Variants in CEP83 observed in about 807,000 individuals in gnomAD.
The protein encoded by CEP83 is centrosomal protein 83.
Under a neutral mutation model 101.9 loss-of-function variants are expected in CEP83, and 70 were observed. The observed-to-expected ratio is 0.69, with a 90% CI of 0.57 to 0.84. The LOEUF (loss-of-function observed/expected upper bound fraction) is 0.84, where lower values mean the gene tolerates loss of function less well. Ranked by LOEUF, CEP83 falls within the 40% of genes least tolerant of loss-of-function variation. The pLI is 0.00. For synonymous variants in CEP83, 264 were observed against 267.9 expected (o/e 0.99, Z 0.14); for missense variants, 715 against 787.2 (o/e 0.91, Z 1.10).
chr12:94,266,223 T>C, the CEP83 span, among the ~76,000 whole-genome samples: 1 of 152,218 alleles, frequency 6.6e-6, no homozygotes, highest in Non-Finnish European at 1.5e-5. Flanking sequence ...TATGGTTATG[T>C]CCTCTGGTGG....
chr12:94,342,912 A>G (rs77339421), intron 11 of CEP83, among the ~76,000 whole-genome samples: 304 of 152,274 alleles, frequency 2.0e-3, no homozygotes, highest in African/African-American at 6.5e-3. Flanking sequence ...AACAAAAACT[A>G]CAAGATATAC....
chr12:94,320,772 AG>A (rs1435490355), intron 14 of CEP83, among the ~76,000 whole-genome samples: 4 of 152,062 alleles, frequency 2.6e-5, no homozygotes, highest in African/African-American at 9.7e-5. Flanking sequence ...TGTTATCCTG[AG>A]GGGGTTTCCT....
intron 2 of CEP83, among the ~76,000 whole-genome samples, chr12:94,416,729 A>C (rs1476857231): frequency 2.0e-5 from 3 of 152,146 alleles, no homozygotes; most frequent in Non-Finnish European, 4.4e-5. Context: ...CTGAACCGTA[A>C]TAAAGCTCAA....
chr12:94,334,635 T>C (rs2059378282), intron 12 of CEP83, among the ~76,000 whole-genome samples: 1 of 151,998 alleles, frequency 6.6e-6, no homozygotes, highest in African/African-American at 2.4e-5. Flanking sequence ...ATAAACAAAA[T>C]AAATGGGTAA....
rs753173323 is a variant in CEP83, at chr12:94,379,028, C to T, written c.564G>A (p.Glu188=). The T allele has an allele frequency of 1.2e-6, 2 of 1,606,042 alleles. No individual in the cohort carries two copies. The highest frequency in any genetic ancestry group is 2.2e-5 in the South Asian group (2 of 90,148). The change falls in exon 7 of 17, where the codon GAG becomes GAA. Residue 188 remains glutamate, a synonymous_variant. Coordinates refer to ENST00000397809, the MANE Select transcript of CEP83 (RefSeq NM_016122.3). ...IKYESEIARL[E]EDKEELRNQL... The stretch of plus-strand genomic sequence containing the variant: ...GGTTACGTAGTTCTTCTTTATCTTC[C>T]TCCAGTCTTGCAATCTAATAATAAT...
chr12:94,399,515 G>C (rs1397018107), intron 6 of CEP83, among the ~76,000 whole-genome samples: 1 of 152,132 alleles, frequency 6.6e-6, no homozygotes, highest in African/African-American at 2.4e-5. Context: ...TCCGAGATCA[G>C]CTGGGGCAAC....
At chr12:94,361,948 G>A (rs749583134) in intron 11 of CEP83, among the ~76,000 whole-genome samples, 3 of 152,024 alleles carry the variant, frequency 2.0e-5, no homozygotes, top group Non-Finnish European at 2.9e-5. Context: ...TGATCCACCC[G>A]CCTTGGCCTC....
At chr12:94,293,759 C>T in the CEP83 span, among the ~76,000 whole-genome samples, 370 of 152,276 alleles carry the variant, frequency 2.4e-3, 1 homozygote, top group African/African-American at 8.5e-3. Flanking sequence ...GCTGGGACTA[C>T]AGGTGTGCAC....
Position 94,374,348 on chromosome 12 carries a change from C to T in CEP83, c.933+1538G>A, listed in dbSNP as rs140461825. 2.4e-3 allele frequency among the ~76,000 whole-genome samples: 372 copies of T among 152,208 alleles called. 1 individual carries two copies. The highest frequency in any genetic ancestry group is 8.5e-3 in the African/African-American group (354 of 41,542). Reference sequence around the variant, plus strand: ...TGCGACATCTGTGGTTCCAATTATTCCAGCAGTGTAGTCTGGCTACTCAGG... The same window carrying T: ...TGCGACATCTGTGGTTCCAATTATTTCAGCAGTGTAGTCTGGCTACTCAGG... On this transcript the variant is annotated intron_variant, in intron 8 of 16. Coordinates refer to ENST00000397809, the MANE Select transcript of CEP83 (RefSeq NM_016122.3).
intron 14 of CEP83, among the ~76,000 whole-genome samples, chr12:94,321,749 G>A (rs1240574605): frequency 6.6e-6 from 1 of 152,128 alleles, no homozygotes; most frequent in Non-Finnish European, 1.5e-5. Flanking sequence ...CAGCAAAGAT[G>A]GCAACCCATC....
chr12:94,410,205 C>T (rs2063793515), intron 4 of CEP83, among the ~76,000 whole-genome samples: 2 of 152,136 alleles, frequency 1.3e-5, no homozygotes, highest in African/African-American at 4.8e-5. Context: ...ACACTGAAGA[C>T]ACACTGAAAA....
At chr12:94,381,682 C>A (rs976475725) in intron 6 of CEP83, among the ~76,000 whole-genome samples, 1 of 151,826 alleles carries the variant, frequency 6.6e-6, no homozygotes, top group Non-Finnish European at 1.5e-5. Flanking sequence ...TTTCTTTTTT[C>A]TTTTGGTATT....
the CEP83 span, chr12:94,280,012 T>C: frequency 4.0e-5 from 15 of 377,930 alleles, no homozygotes; most frequent in Non-Finnish European, 6.1e-5. Context: ...GCATTTCACA[T>C]TGGCATTTGA....
intron 6 of CEP83, among the ~76,000 whole-genome samples, chr12:94,385,773 T>A (rs575574228): frequency 2.0e-5 from 3 of 152,204 alleles, no homozygotes; most frequent in Non-Finnish European, 4.4e-5. Flanking sequence ...GCAGCTAAGA[T>A]ATAGTAATGA....
intron 6 of CEP83, among the ~76,000 whole-genome samples, chr12:94,389,898 G>A (rs980981818): frequency 9.9e-5 from 15 of 152,220 alleles, no homozygotes; most frequent in East Asian, 7.7e-4. Flanking sequence ...ACTGCGAGGC[G>A]GCACCCTGGC....
At chr12:94,447,991 G>A (rs994794929) in intron 1 of CEP83, among the ~76,000 whole-genome samples, 1 of 152,036 alleles carries the variant, frequency 6.6e-6, no homozygotes, top group African/African-American at 2.4e-5. Context: ...ACATGTGAAT[G>A]AACTAAACAC....
At chr12:94,450,724 T>C (rs1212509950) in intron 1 of CEP83, among the ~76,000 whole-genome samples, 2 of 152,144 alleles carry the variant, frequency 1.3e-5, no homozygotes, top group Non-Finnish European at 2.9e-5. Context: ...TCTAAGTAAA[T>C]GGAGAGATAT....
chr12:94,344,441 A>C (rs904370056), intron 11 of CEP83, among the ~76,000 whole-genome samples: 2 of 152,200 alleles, frequency 1.3e-5, no homozygotes, highest in African/African-American at 4.8e-5. Context: ...CAAGGTATAC[A>C]ACATGACCTT....
intron 6 of CEP83, among the ~76,000 whole-genome samples, chr12:94,399,608 C>T (rs2063129740): frequency 6.6e-6 from 1 of 152,148 alleles, no homozygotes; most frequent in Non-Finnish European, 1.5e-5. Flanking sequence ...TAGTACATGC[C>T]TGTGGTCCTA....
Sources: gnomAD v4.1 joint callset for allele counts (sites outside exome capture counted in the v4.1 genomes callset) on GRCh38, gnomAD v4.1.1 for gene constraint, MANE v1.5 for transcripts, NCBI Gene and HGNC (gene_info 2026-07-23, HGNC 2026-07-21) for gene names.